The following TMC1 variants were observed in gnomAD, a reference collection of about 807,000 sequenced individuals.
TMC1 encodes transmembrane channel-like protein 1.
TMC1 carries 84 observed loss-of-function variants against 105.8 expected under a neutral mutation model. The ratio of observed to expected loss-of-function variants is 0.79; its 90% CI spans 0.67 to 0.95. TMC1 has a LOEUF of 0.95. Among genes scored for constraint, TMC1 ranks in the 40% least tolerant of loss-of-function variants. TMC1 has a pLI of 0.00. For missense variants in TMC1, 817 were observed against 914.1 expected, an observed-to-expected ratio of 0.89 and a Z score of 1.37; for synonymous variants, 315 against 311.5, an observed-to-expected ratio of 1.01 and a Z score of -0.12.
At chr9:72,621,403 A>G (rs1825246623) in intron 3 of TMC1, among the ~76,000 whole-genome samples, 1 of 152,154 alleles carries the variant, frequency 6.6e-6, no homozygotes, top group Non-Finnish European at 1.5e-5. Flanking sequence ...GACCTTTGAC[A>G]TTTGTGAGAG....
At chr9:72,632,638 A>G (rs1825469326) in intron 4 of TMC1, among the ~76,000 whole-genome samples, 1 of 152,214 alleles carries the variant, frequency 6.6e-6, no homozygotes, top group Admixed American at 6.5e-5. Context: ...GATGTAATAG[A>G]AGCAAATGAC....
At chr9:72,726,601 A>G (rs558866321) in intron 8 of TMC1, among the ~76,000 whole-genome samples, 8 of 152,326 alleles carry the variant, frequency 5.3e-5, no homozygotes, top group African/African-American at 1.4e-4. Context: ...CATGTGGCAA[A>G]CAATCAAATT....
At chr9:72,717,894 A>G (rs1826948985) in intron 8 of TMC1, among the ~76,000 whole-genome samples, 1 of 152,092 alleles carries the variant, frequency 6.6e-6, no homozygotes, top group African/African-American at 2.4e-5. Context: ...ATGTTTTCCA[A>G]ACTTAGATTT....
At chr9:72,732,665 G>A (rs1304901106) in intron 8 of TMC1, among the ~76,000 whole-genome samples, 1 of 151,902 alleles carries the variant, frequency 6.6e-6, no homozygotes, top group African/African-American at 2.4e-5. Flanking sequence ...TTCAACTTTT[G>A]TATGTATGTC....
At chr9:72,595,086 G>A (rs556477782) in intron 2 of TMC1, among the ~76,000 whole-genome samples, 7 of 151,978 alleles carry the variant, frequency 4.6e-5, no homozygotes, top group East Asian at 1.9e-4. Flanking sequence ...GGCTAGTCTC[G>A]AACTCCTGAC....
At chr9:72,788,269 A>T (rs1828202858) in intron 13 of TMC1, 70 bp from the exon 14 acceptor site, 1 of 1,557,020 alleles carries the variant, frequency 6.4e-7, no homozygotes, top group Non-Finnish European at 8.9e-7. Context: ...AACACTCATG[A>T]TCATGTTTTG....
At chr9:72,719,847 A>G (rs1037977463) in intron 8 of TMC1, among the ~76,000 whole-genome samples, 3 of 152,200 alleles carry the variant, frequency 2.0e-5, no homozygotes, top group African/African-American at 7.2e-5. Flanking sequence ...TGGAGAGTAT[A>G]TAGGCAATTA....
chr9:72,570,758 G>A (rs1270865820), intron 1 of TMC1, among the ~76,000 whole-genome samples: 2 of 124,228 alleles, frequency 1.6e-5, no homozygotes, highest in East Asian at 2.4e-4. Context: ...GTGCGATCTC[G>A]GCTTACTGCA....
intron 4 of TMC1, among the ~76,000 whole-genome samples, chr9:72,635,653 G>T (rs1378078430): frequency 1.3e-5 from 2 of 152,118 alleles, no homozygotes; most frequent in East Asian, 3.8e-4. Flanking sequence ...GGGAAACTTC[G>T]AGAATGAGGC....
chr9:72,700,611 A>G lies in TMC1; in HGVS notation c.330A>G (p.Pro110=). ...TAATTGCTACTGTCAAATGCAAACC[A>G]TGGAAGATGGAGAAGAAAATTGAAG... ...RQIIATVKCK[P]WKMEKKIEVL... is the part of the protein sequence containing the mutation. Residue 110 remains proline (P), a synonymous_variant, in exon 8 of 24, where the codon CCA becomes CCG. Transcript: ENST00000297784. 6.2e-7 allele frequency: 1 copy of G among 1,606,032 alleles called. No homozygotes were observed. The highest frequency in any genetic ancestry group is 8.5e-7 in the Non-Finnish European group (1 of 1,174,988).
At chr9:72,580,596 A>G (rs979967721) in intron 2 of TMC1, among the ~76,000 whole-genome samples, 1 of 152,148 alleles carries the variant, frequency 6.6e-6, no homozygotes. Flanking sequence ...GCCAGTGCAT[A>G]CACCACACAT....
intron 12 of TMC1, among the ~76,000 whole-genome samples, chr9:72,759,432 T>A (rs897720807): frequency 1.3e-5 from 2 of 152,218 alleles, no homozygotes; most frequent in African/African-American, 4.8e-5. Flanking sequence ...AACAGCTTAC[T>A]AACTGGCACA....
intron 11 of TMC1, among the ~76,000 whole-genome samples, chr9:72,753,601 G>T (rs1197433043): frequency 6.6e-6 from 1 of 152,092 alleles, no homozygotes; most frequent in Non-Finnish European, 1.5e-5. Context: ...GGTTGTATTA[G>T]GTGCTGAGGG....
intron 2 of TMC1, among the ~76,000 whole-genome samples, chr9:72,581,497 TATTCTCACTGG>T (rs1311323176): frequency 6.6e-6 from 1 of 152,212 alleles, no homozygotes; most frequent in Non-Finnish European, 1.5e-5. Context: ...TTTCTCAATG[TATTCTCACTGG>T]ATTAGCACTC....
chr9:72,704,940 T>C (rs753747978), intron 8 of TMC1, among the ~76,000 whole-genome samples: 1 of 152,148 alleles, frequency 6.6e-6, no homozygotes, highest in Non-Finnish European at 1.5e-5. Context: ...AGGAAGAGTG[T>C]GTGTAGGGAG....
intron 13 of TMC1, among the ~76,000 whole-genome samples, chr9:72,787,672 T>TACAC (rs533867065): frequency 4.0e-5 from 6 of 151,306 alleles, no homozygotes; most frequent in African/African-American, 1.5e-4. Flanking sequence ...CACATATATA[T>TACAC]ACACACACAC....
intron 13 of TMC1, among the ~76,000 whole-genome samples, chr9:72,776,971 T>C (rs1429959136): frequency 6.6e-6 from 1 of 152,174 alleles, no homozygotes; most frequent in Admixed American, 6.5e-5. Context: ...CTTAGAGTTT[T>C]ATGGCCTTGA....
chr9:72,532,312 G>A (rs1344817534), intron 1 of TMC1, among the ~76,000 whole-genome samples: 8 of 151,872 alleles, frequency 5.3e-5, no homozygotes, highest in East Asian at 3.9e-4. Flanking sequence ...AGGTTGAGGC[G>A]GGCAGATCAC....
intron 1 of TMC1, among the ~76,000 whole-genome samples, chr9:72,540,389 G>A (rs892720917): frequency 1.3e-5 from 2 of 152,056 alleles, no homozygotes; most frequent in Non-Finnish European, 2.9e-5. Flanking sequence ...CTTCCCTAAG[G>A]TACAATGGCA....
Sources: allele counts gnomAD v4.1 joint callset (sites outside exome capture counted in the v4.1 genomes callset), GRCh38; gene constraint gnomAD v4.1.1; transcripts MANE v1.5; gene names NCBI Gene and HGNC (gene_info 2026-07-23, HGNC 2026-07-21).